The following ARMH4 variants were observed in gnomAD, a reference collection of about 807,000 sequenced individuals.
ARMH4 encodes armadillo like helical domain containing 4, also known as armadillo-like helical domain-containing protein 4.
ARMH4 carries 49 observed loss-of-function variants against 61.9 expected under a neutral mutation model. That is an observed-to-expected ratio of 0.79 (90% CI 0.63 to 1.00). The LOEUF (loss-of-function observed/expected upper bound fraction) is 1.00. Among genes scored for constraint, ARMH4 ranks in the 50% least tolerant of loss-of-function variants. ARMH4 has a pLI of 0.00. For synonymous variants in ARMH4, 368 were observed against 341.5 expected (o/e 1.08, Z -0.85); for missense variants, 934 against 930.0 (o/e 1.00, Z -0.06).
intron 5 of ARMH4, among the ~76,000 whole-genome samples, chr14:58,023,119 G>A (rs1214378249): frequency 6.6e-6 from 1 of 152,108 alleles, no homozygotes. Context: ...TGAAGGCAGG[G>A]GTAGCTGTGT....
intron 5 of ARMH4, among the ~76,000 whole-genome samples, chr14:58,077,752 A>C (rs1328257092): frequency 1.3e-5 from 2 of 152,218 alleles, no homozygotes; most frequent in African/African-American, 4.8e-5. Context: ...CAGAGCTAGC[A>C]AGTGATATAA....
intron 3 of ARMH4, 67 bp downstream of exon 3, chr14:58,133,023 T>G: frequency 6.4e-7 from 1 of 1,570,854 alleles, no homozygotes; most frequent in Non-Finnish European, 8.7e-7. Flanking sequence ...TCACTCATTC[T>G]ATTCCTAGTC....
chr14:58,042,656 C>T (rs1404632109), intron 5 of ARMH4, among the ~76,000 whole-genome samples: 1 of 152,048 alleles, frequency 6.6e-6, no homozygotes, highest in Non-Finnish European at 1.5e-5. Context: ...TCAATGACTC[C>T]AGGAGCTGGT....
rs141260106 is a variant in ARMH4, at chr14:58,064,188, C to G, written c.2089+32536G>C. Among the ~76,000 whole-genome samples the G allele has an allele frequency of 6.8e-3, 1,027 of 150,082 alleles. 41 individuals are homozygous for G. The highest frequency in any genetic ancestry group is 0.057 in the Admixed American group (864 of 15,234). On this transcript the variant is annotated intron_variant, in intron 5 of 7. Coordinates refer to ENST00000267485, the MANE Select transcript of ARMH4 (RefSeq NM_001001872.4). ...TATTTATGCATTCATTAACTTTTCT[C>G]AAAACATTATTACCCACTCCCTGAA...
At chr14:58,021,451 A>G (rs373783301) in intron 5 of ARMH4, among the ~76,000 whole-genome samples, 2 of 152,294 alleles carry the variant, frequency 1.3e-5, no homozygotes, top group African/African-American at 4.8e-5. Context: ...AGCCATGTGG[A>G]ATTGAGTCCA....
At chr14:58,070,238 C>A (rs552460105) in intron 5 of ARMH4, among the ~76,000 whole-genome samples, 1 of 152,222 alleles carries the variant, frequency 6.6e-6, no homozygotes, top group East Asian at 1.9e-4. Context: ...AGCTCCAGAT[C>A]GCATGCAGGT....
chr14:58,006,507 T>C (rs549722186), intron 6 of ARMH4, among the ~76,000 whole-genome samples: 3 of 152,272 alleles, frequency 2.0e-5, no homozygotes, highest in African/African-American at 7.2e-5. Flanking sequence ...AGCAGCACTT[T>C]CCTCTTGTGC....
chr14:58,061,794 G>T (rs1371481639), intron 5 of ARMH4, among the ~76,000 whole-genome samples: 4 of 152,150 alleles, frequency 2.6e-5, no homozygotes, highest in African/African-American at 9.7e-5. Flanking sequence ...ACCCCTTGGA[G>T]CTGTGTAAGG....
intron 6 of ARMH4, among the ~76,000 whole-genome samples, chr14:58,007,007 C>T (rs549088566): frequency 6.6e-6 from 1 of 152,336 alleles, no homozygotes; most frequent in South Asian, 2.1e-4. Flanking sequence ...CTTATAAAAA[C>T]TCTGCAATTT....
chr14:58,028,465 C>T (rs1883098588), intron 5 of ARMH4, among the ~76,000 whole-genome samples: 2 of 152,192 alleles, frequency 1.3e-5, no homozygotes, highest in African/African-American at 2.4e-5. Flanking sequence ...CTCAGAGCCT[C>T]AGAAACAGAG....
chr14:58,042,762 T>C, intron 5 of ARMH4, among the ~76,000 whole-genome samples: 1 of 151,480 alleles, frequency 6.6e-6, no homozygotes. Flanking sequence ...ATAAAGGGGG[T>C]ATCACCACCG....
At chr14:58,103,038 C>T (rs896644581) in intron 4 of ARMH4, among the ~76,000 whole-genome samples, 3 of 151,520 alleles carry the variant, frequency 2.0e-5, no homozygotes, top group East Asian at 3.9e-4. Context: ...GAGGCTGACG[C>T]ATGAGAATTG....
At chr14:58,043,710 C>T (rs908388452) in intron 5 of ARMH4, among the ~76,000 whole-genome samples, 56 of 152,282 alleles carry the variant, frequency 3.7e-4, no homozygotes, top group African/African-American at 8.9e-4. Flanking sequence ...AAAACCCCAT[C>T]GTCTCAGCCC....
intron 5 of ARMH4, among the ~76,000 whole-genome samples, chr14:58,088,986 G>A (rs1464827372): frequency 1.3e-5 from 2 of 152,114 alleles, no homozygotes; most frequent in Non-Finnish European, 2.9e-5. Flanking sequence ...TGTTTTATAG[G>A]GGTAGCATCC....
intron 5 of ARMH4, among the ~76,000 whole-genome samples, chr14:58,082,861 TA>T (rs1885270209): frequency 6.6e-6 from 1 of 152,206 alleles, no homozygotes; most frequent in Non-Finnish European, 1.5e-5. Context: ...AAATGATATG[TA>T]CTGCCATCAC....
intron 4 of ARMH4, among the ~76,000 whole-genome samples, chr14:58,116,814 G>A (rs1389228389): frequency 1.3e-5 from 2 of 152,022 alleles, no homozygotes; most frequent in African/African-American, 4.8e-5. Context: ...AAGTACCTTC[G>A]CATTTACTGC....
chr14:58,128,366 G>A (rs1034528292), intron 4 of ARMH4, among the ~76,000 whole-genome samples: 4 of 152,118 alleles, frequency 2.6e-5, no homozygotes, highest in Non-Finnish European at 4.4e-5. Context: ...TATAAAATAT[G>A]TATAAAATTT....
chr14:58,009,983 C>T (rs747964864), intron 6 of ARMH4, among the ~76,000 whole-genome samples: 1 of 152,068 alleles, frequency 6.6e-6, no homozygotes, highest in East Asian at 1.9e-4. Context: ...TTTGAAAACA[C>T]CACCCTTTCT....
intron 1 of ARMH4, among the ~76,000 whole-genome samples, chr14:58,139,790 AAAGT>A (rs1887470171): frequency 1.3e-5 from 2 of 152,248 alleles, no homozygotes; most frequent in Admixed American, 6.5e-5. Context: ...CAAGAAATAA[AAAGT>A]AAGTCTTACA....
Sources: allele counts gnomAD v4.1 joint callset (sites outside exome capture counted in the v4.1 genomes callset), GRCh38; gene constraint gnomAD v4.1.1; transcripts MANE v1.5; gene names NCBI Gene and HGNC (gene_info 2026-07-23, HGNC 2026-07-21).